ZHX2: variants seen among roughly 807,000 people sequenced by gnomAD.
ZHX2 encodes zinc fingers and homeoboxes protein 2.
ZHX2 carries 6 observed loss-of-function variants against 21.9 expected under a neutral mutation model. The ratio of observed to expected loss-of-function variants is 0.27; its 90% CI spans 0.15 to 0.54. The LOEUF (loss-of-function observed/expected upper bound fraction) is 0.54, where lower values mean the gene tolerates loss of function less well. ZHX2 is among the 20% of genes least tolerant of loss of function. The probability of loss-of-function intolerance (pLI) is 0.95; values close to 1 mark genes in which losing one functional copy is unlikely to be tolerated. For synonymous variants in ZHX2, 434 were observed against 437.1 expected (o/e 0.99, Z 0.09); for missense variants, 908 against 1,090.7 (o/e 0.83, Z 2.36).
intron 2 of ZHX2, among the ~76,000 whole-genome samples, chr8:122,896,788 G>C (rs1264991693): frequency 1.3e-5 from 2 of 152,218 alleles, no homozygotes; most frequent in African/African-American, 2.4e-5. Flanking sequence ...GGTATGAAGG[G>C]AGCTTTGTAA....
At chr8:122,918,451 G>A (rs1314141848) in intron 2 of ZHX2, among the ~76,000 whole-genome samples, 1 of 152,150 alleles carries the variant, frequency 6.6e-6, no homozygotes, top group African/African-American at 2.4e-5. Flanking sequence ...ACCACCCTCA[G>A]TGCCTTACCC....
At chr8:122,942,146 A>T (rs189098127) in intron 2 of ZHX2, among the ~76,000 whole-genome samples, 2 of 152,042 alleles carry the variant, frequency 1.3e-5, no homozygotes, top group Non-Finnish European at 2.9e-5. Context: ...GCTTTGCAGC[A>T]TCTAATTCCT....
chr8:122,955,069 C>CGGGGGGGGGGGGGG (rs35647179), intron 3 of ZHX2, among the ~76,000 whole-genome samples: 3 of 20,678 alleles, frequency 1.5e-4, no homozygotes, highest in Admixed American at 6.4e-4. Flanking sequence ...TCACATAAGC[C>CGGGGGGGGGGGGGG]GGGGGGGGGG....
chr8:122,822,226 G>A (rs980342390), intron 1 of ZHX2, among the ~76,000 whole-genome samples: 3 of 152,184 alleles, frequency 2.0e-5, no homozygotes, highest in Non-Finnish European at 4.4e-5. Context: ...AGTGCTAAGT[G>A]AACGAAGGCC....
intron 1 of ZHX2, among the ~76,000 whole-genome samples, chr8:122,801,109 GA>G (rs144905669): frequency 1.1e-3 from 169 of 152,320 alleles, no homozygotes; most frequent in African/African-American, 3.7e-3. Context: ...TTCAATGAGT[GA>G]AGAGGCTATA....
chr8:122,909,397 C>T (rs1820422772), intron 2 of ZHX2, among the ~76,000 whole-genome samples: 1 of 151,178 alleles, frequency 6.6e-6, no homozygotes, highest in African/African-American at 2.4e-5. Context: ...CGTGCCACTG[C>T]ACTCCAGCCT....
intron 1 of ZHX2, among the ~76,000 whole-genome samples, chr8:122,802,533 C>T (rs959638026): frequency 6.6e-6 from 1 of 152,182 alleles, no homozygotes; most frequent in African/African-American, 2.4e-5. Flanking sequence ...AAGGACTTGC[C>T]TTTCCACCCA....
intron 2 of ZHX2, among the ~76,000 whole-genome samples, chr8:122,945,266 C>T (rs906987544): frequency 2.6e-5 from 4 of 151,996 alleles, no homozygotes; most frequent in Admixed American, 2.0e-4. Context: ...CATACTCATA[C>T]TCAGTAAGCA....
At chr8:122,865,407 C>A (rs897016113) in intron 2 of ZHX2, among the ~76,000 whole-genome samples, 1 of 152,036 alleles carries the variant, frequency 6.6e-6, no homozygotes, top group Non-Finnish European at 1.5e-5. Flanking sequence ...GGATTACAGG[C>A]GTGAGCCACC....
intron 2 of ZHX2, among the ~76,000 whole-genome samples, chr8:122,938,893 T>A (rs1396506002): frequency 6.6e-6 from 1 of 151,542 alleles, no homozygotes; most frequent in African/African-American, 2.4e-5. Flanking sequence ...CAGCAGCCAG[T>A]AGAGGTGTTT....
At position 122,935,886 on chromosome 8, in the gene ZHX2, G is replaced by A. The variant is rs116304861; in HGVS notation, c.-219-15406G>A. ...ATCATTTTGAAAACCTCTCTGCATA[G>A]CACTTACCACTCTAAGTTCTTTGTT... On this transcript the variant is annotated intron_variant, in intron 2 of 3. Coordinates refer to ENST00000314393, the MANE Select transcript of ZHX2 (RefSeq NM_014943.5). 2.9e-3 allele frequency among the ~76,000 whole-genome samples: 447 copies of A among 152,134 alleles called. 1 individual carries two copies. The highest frequency in any genetic ancestry group is 0.01 in the African/African-American group (425 of 41,498).
chr8:122,961,913 G>C (rs180850225), intron 3 of ZHX2, among the ~76,000 whole-genome samples: 5 of 152,266 alleles, frequency 3.3e-5, no homozygotes, highest in African/African-American at 1.2e-4. Context: ...TCTCTATATG[G>C]AGAAGAACTT....
intron 3 of ZHX2, among the ~76,000 whole-genome samples, chr8:122,969,273 G>A (rs1813662144): frequency 1.3e-5 from 2 of 152,162 alleles, no homozygotes; most frequent in Admixed American, 6.6e-5. Context: ...TACAATGGGT[G>A]TAAAGTTGCA....
intron 3 of ZHX2, among the ~76,000 whole-genome samples, chr8:122,957,121 A>G (rs552916433): frequency 1.3e-5 from 2 of 152,176 alleles, no homozygotes; most frequent in East Asian, 1.9e-4. Flanking sequence ...GCTTCTCTAT[A>G]AACCCAGAAA....
At chr8:122,859,504 G>C (rs1420931514) in intron 1 of ZHX2, among the ~76,000 whole-genome samples, 1 of 152,218 alleles carries the variant, frequency 6.6e-6, no homozygotes, top group Non-Finnish European at 1.5e-5. Context: ...TCATTTGAGA[G>C]AGGGACTAGC....
intron 2 of ZHX2, among the ~76,000 whole-genome samples, chr8:122,904,221 G>A (rs1002629243): frequency 7.9e-5 from 12 of 152,282 alleles, no homozygotes; most frequent in African/African-American, 2.9e-4. Flanking sequence ...AATCAGGAAA[G>A]GGGCAGCCTG....
intron 2 of ZHX2, among the ~76,000 whole-genome samples, chr8:122,899,505 A>G (rs1050771167): frequency 6.6e-6 from 1 of 152,226 alleles, no homozygotes. Context: ...AAAAAGAGAA[A>G]TATTTTAAAT....
chr8:122,931,983 G>A (rs768679079), intron 2 of ZHX2, among the ~76,000 whole-genome samples: 4 of 152,132 alleles, frequency 2.6e-5, no homozygotes, highest in Admixed American at 6.5e-5. Context: ...GAGCTGGTGC[G>A]TGACTCTCTA....
At position 122,868,140 on chromosome 8, in the gene ZHX2, A is replaced by T. The variant is rs969248230; in HGVS notation, c.-220+4601A>T. 2.0e-5 allele frequency among the ~76,000 whole-genome samples: 3 copies of T among 152,340 alleles called. No homozygotes were observed. The East Asian group carries it at 5.8e-4, about 29-fold the overall frequency. On this transcript the variant is annotated intron_variant, in intron 2 of 3. Transcript: ENST00000314393. ...TCATACGGTGATTCGGCTATTCCACATCTTTCCTTCAACACAGCAAGTGTC... is the reference window on the plus strand; with the variant it reads ...TCATACGGTGATTCGGCTATTCCACTTCTTTCCTTCAACACAGCAAGTGTC...
Sources: allele counts gnomAD v4.1 joint callset (sites outside exome capture counted in the v4.1 genomes callset), GRCh38; gene constraint gnomAD v4.1.1; transcripts MANE v1.5; gene names NCBI Gene and HGNC (gene_info 2026-07-23, HGNC 2026-07-21).